Variants in BCAS3 observed in about 807,000 individuals in gnomAD.
BCAS3 encodes BCAS4/BCAS3 fusion.
BCAS3 carries 53 observed loss-of-function variants against 116.1 expected under a neutral mutation model. The ratio of observed to expected loss-of-function variants is 0.46; its 90% confidence interval spans 0.37 to 0.57. The LOEUF (loss-of-function observed/expected upper bound fraction) is 0.57, where lower values mean the gene tolerates loss of function less well. Ranked by LOEUF, BCAS3 falls within the 20% of genes least tolerant of loss-of-function variation. BCAS3 has a pLI of 0.00. For missense variants in BCAS3, 917 were observed against 1,165.4 expected (o/e 0.79, Z 3.10); for synonymous variants, 391 against 408.2 (o/e 0.96, Z 0.51).
Position 61,307,953 on chromosome 17 carries a change from C to T in BCAS3, c.2426-60374C>T, listed in dbSNP as rs1340694442. On this transcript the variant is annotated intron_variant, in intron 22 of 23. Coordinates refer to ENST00000407086, the MANE Select transcript of BCAS3 (RefSeq NM_017679.5). The surrounding 1 kb of genome is among the most constrained non-coding windows in gnomAD (Gnocchi z 4.7). ...GACAATGTGGAGACTCAAGATTTTCCAAGCACTCATTAAATTGAGCAGAGA... is the reference window on the plus strand; with the variant it reads ...GACAATGTGGAGACTCAAGATTTTCTAAGCACTCATTAAATTGAGCAGAGA... Among the ~76,000 whole-genome samples the T allele has an allele frequency of 6.6e-6, 1 of 152,152 alleles. No homozygotes were observed. Among genetic ancestry groups the T allele is most frequent in the African/African-American group, 2.4e-5 (1 of 41,418 alleles).
At chr17:60,916,077 T>G (rs946921878) in intron 12 of BCAS3, among the ~76,000 whole-genome samples, 2 of 152,236 alleles carry the variant, frequency 1.3e-5, no homozygotes, top group African/African-American at 4.8e-5. Flanking sequence ...TTGCACTGTT[T>G]CTAGCATTTT....
At position 61,356,537 on chromosome 17, in the gene BCAS3, C is replaced by G. The variant is rs1317049851; in HGVS notation, c.2426-11790C>G. Among the ~76,000 whole-genome samples the G allele has an allele frequency of 6.6e-6, 1 of 152,184 alleles. No individual in the cohort carries two copies. Among genetic ancestry groups the G allele is most frequent in the Non-Finnish European group, 1.5e-5 (1 of 68,036 alleles). On this transcript the variant is annotated intron_variant, in intron 22 of 23. Transcript: ENST00000407086. This position sits in a 1 kb window ranked among gnomAD's most constrained non-coding sequence, Gnocchi z 5.4. ...TGGGACCTACACTGATGACTGATCT[C>G]TTGGGCTCACAGCCCTGCTCAATGA...
intron 14 of BCAS3, among the ~76,000 whole-genome samples, chr17:60,980,173 A>G (rs569788750): frequency 6.6e-6 from 1 of 152,088 alleles, no homozygotes; most frequent in African/African-American, 2.4e-5. Flanking sequence ...ACAATTTCAG[A>G]TCCTGTTATT....
intron 7 of BCAS3, among the ~76,000 whole-genome samples, chr17:60,852,662 A>T (rs570574425): frequency 2.6e-5 from 4 of 152,344 alleles, no homozygotes; most frequent in Non-Finnish European, 5.9e-5. Flanking sequence ...CAAAAACCTG[A>T]CCAAAGAAGA....
At position 61,217,967 on chromosome 17, in the gene BCAS3, T is replaced by G. The variant is rs2081898981; in HGVS notation, c.2425+133403T>G. ...ACAGATCACTGATAATTTAGTGGAC[T>G]GGTTACCACCAGAATCCTTGGGATT... is the stretch of plus-strand genomic sequence containing the variant. On this transcript the variant is annotated intron_variant, in intron 22 of 23. Transcript: ENST00000407086. The surrounding 1 kb of genome is among the most constrained non-coding windows in gnomAD (Gnocchi z 5.2). 6.6e-6 allele frequency among the ~76,000 whole-genome samples: 1 copy of G among 152,208 alleles called. No individual in the cohort carries two copies. Among genetic ancestry groups the G allele is most frequent in the Non-Finnish European group, 1.5e-5 (1 of 68,032 alleles).
At position 61,056,577 on chromosome 17, in the gene BCAS3, A is replaced by G. The variant is rs957419598; in HGVS notation, c.2029+15685A>G. Among the ~76,000 whole-genome samples the G allele has an allele frequency of 6.6e-6, 1 of 152,100 alleles. No homozygotes were observed. The highest frequency in any genetic ancestry group is 2.4e-5 in the African/African-American group (1 of 41,430). On this transcript the variant is annotated intron_variant, in intron 19 of 23. Coordinates refer to ENST00000407086, the MANE Select transcript of BCAS3 (RefSeq NM_017679.5). The surrounding 1 kb of genome is among the most constrained non-coding windows in gnomAD (Gnocchi z 4.9). ...GCAGGCTTTGTATTAACAAAGCCCTATTCCCCTTAGAACTTACTGATGTTG... is the reference window on the plus strand; with the variant it reads ...GCAGGCTTTGTATTAACAAAGCCCTGTTCCCCTTAGAACTTACTGATGTTG...
intron 7 of BCAS3, among the ~76,000 whole-genome samples, chr17:60,841,953 G>A (rs2144763598): frequency 6.6e-6 from 1 of 152,210 alleles, no homozygotes; most frequent in East Asian, 1.9e-4. Flanking sequence ...GATGGCATGA[G>A]GTAGCCTTTC....
intron 7 of BCAS3, among the ~76,000 whole-genome samples, chr17:60,828,401 G>A (rs1164903234): frequency 6.6e-6 from 1 of 152,102 alleles, no homozygotes; most frequent in South Asian, 2.1e-4. Flanking sequence ...TTTTTTGGGG[G>A]GGAAATCTTT....
rs578170965 is a variant in BCAS3, at chr17:61,233,119, C to T, written c.2426-135208C>T. On this transcript the variant is annotated intron_variant, in intron 22 of 23. Transcript: ENST00000407086. The surrounding 1 kb of genome is among the most constrained non-coding windows in gnomAD (Gnocchi z 4.3). ...AGGAGGGTGATAAACTTTGTTACCA[C>T]TTAAAAAGGGGCTAAAAATACTTCT... Among the ~76,000 whole-genome samples the T allele has an allele frequency of 1.2e-4, 18 of 152,282 alleles. No homozygotes were observed. In the East Asian group the frequency reaches 3.5e-3, roughly 29 times the overall value.
chr17:61,284,854 A>T (rs1312675882), intron 22 of BCAS3, among the ~76,000 whole-genome samples: 1 of 152,212 alleles, frequency 6.6e-6, no homozygotes, highest in East Asian at 1.9e-4. Flanking sequence ...TTGCCCAGGC[A>T]TGGCAGGGCA....
intron 22 of BCAS3, among the ~76,000 whole-genome samples, chr17:61,230,140 TATACACAC>T (rs1568620029): frequency 6.0e-5 from 2 of 33,210 alleles, no homozygotes; most frequent in Admixed American, 9.9e-4. Flanking sequence ...AAAGTGTGTG[TATACACAC>T]ACACACACAC....
intron 6 of BCAS3, among the ~76,000 whole-genome samples, chr17:60,786,555 A>G (rs1459198543): frequency 6.6e-6 from 1 of 150,746 alleles, no homozygotes; most frequent in Non-Finnish European, 1.5e-5. Flanking sequence ...GTGTATATAT[A>G]TATATATATA....
intron 9 of BCAS3, chr17:60,886,466 A>C (rs1053737031): frequency 4.6e-5 from 7 of 151,906 alleles, no homozygotes; most frequent in African/African-American, 1.7e-4. Context: ...TTCTCCATCC[A>C]CCTTTGTTCC....
intron 22 of BCAS3, among the ~76,000 whole-genome samples, chr17:61,290,918 C>T (rs1274158300): frequency 1.3e-5 from 2 of 152,086 alleles, no homozygotes; most frequent in Admixed American, 6.6e-5. Flanking sequence ...GTAGCTGGGA[C>T]TACAGGTGCC....
chr17:60,889,641 C>T lies in BCAS3; in HGVS notation c.662-54C>T, dbSNP rs564582442. The T allele has an allele frequency of 6.8e-5, 98 of 1,443,952 alleles. 1 individual carries two copies. The African/African-American group carries it at 1.2e-3, about 18-fold the overall frequency. The allele number at this position is 1,443,952 out of a possible 1,614,324, so 89.4% of individuals were successfully genotyped here. A position where few individuals can be genotyped will look rare whatever the true frequency, so the allele number is the denominator to read the frequency against. On this transcript the variant is annotated intron_variant, in intron 9 of 23. Transcript: ENST00000407086. ...TTTTCTGGCATCGATATATGATGCACCAACAGAAAAGTTATTAAGAAATTT... is the reference window on the plus strand; with the variant it reads ...TTTTCTGGCATCGATATATGATGCATCAACAGAAAAGTTATTAAGAAATTT...
intron 15 of BCAS3, among the ~76,000 whole-genome samples, chr17:61,002,316 G>A (rs2064299201): frequency 6.6e-6 from 1 of 151,992 alleles, no homozygotes; most frequent in South Asian, 2.1e-4. Flanking sequence ...GTTATCCCTT[G>A]AAACTAATCC....
At chr17:60,753,882 C>T (rs1039374780) in intron 6 of BCAS3, among the ~76,000 whole-genome samples, 1 of 152,028 alleles carries the variant, frequency 6.6e-6, no homozygotes, top group African/African-American at 2.4e-5. Flanking sequence ...CTAATATTTG[C>T]ATTCTATGCA....
At chr17:60,770,834 GTTTTTTTTTTTTTTTTT>G (rs60854011) in intron 6 of BCAS3, among the ~76,000 whole-genome samples, 1 of 76,786 alleles carries the variant, frequency 1.3e-5, no homozygotes, top group Non-Finnish European at 3.3e-5. Context: ...ACTGAAATTT[GTTTTTTTTTTTTTTTTT>G]TTTTTTTTTT....
At chr17:61,193,002 C>A (rs2080240137) in intron 22 of BCAS3, among the ~76,000 whole-genome samples, 2 of 152,328 alleles carry the variant, frequency 1.3e-5, no homozygotes, top group South Asian at 4.1e-4. Flanking sequence ...TGGCTCATGC[C>A]TATAATCCCA....
Sources: allele counts gnomAD v4.1 joint callset (sites outside exome capture counted in the v4.1 genomes callset), GRCh38; gene constraint gnomAD v4.1.1; non-coding constraint Gnocchi (gnomAD v3.1); transcripts MANE v1.5; gene names NCBI Gene and HGNC (gene_info 2026-07-23, HGNC 2026-07-21).